ESR2: variants seen among roughly 807,000 people sequenced by gnomAD.
ESR2 encodes the protein estrogen receptor 2, also known as estrogen receptor beta.
In ESR2, 36 loss-of-function variants were observed where a neutral mutation model predicts 49.6. That is an observed-to-expected ratio of 0.73 (90% CI 0.56 to 0.96). ESR2 has a LOEUF of 0.96. ESR2 is among the 40% of genes least tolerant of loss of function. ESR2 has a pLI of 0.00. For missense variants in ESR2, 714 were observed against 693.0 expected, an observed-to-expected ratio of 1.03 and a Z score of -0.34; for synonymous variants, 320 against 266.1, an observed-to-expected ratio of 1.20 and a Z score of -1.97.
intron 5 of ESR2, 186 bp from the exon 6 acceptor site, chr14:64,257,550 T>C (rs1596401132): frequency 1.4e-6 from 1 of 701,416 alleles, no homozygotes; most frequent in Non-Finnish European, 2.3e-6. Flanking sequence ...CGCAACTTAG[T>C]TTCCAGTCTT....
intron 7 of ESR2, among the ~76,000 whole-genome samples, chr14:64,240,785 A>G (rs1370070398): frequency 2.0e-5 from 3 of 152,194 alleles, no homozygotes; most frequent in Non-Finnish European, 2.9e-5. Context: ...GTATTATAAA[A>G]TAGGCTTTAT....
intron 1 of ESR2, chr14:64,336,245 A>G (rs2077530883): frequency 6.6e-6 from 1 of 152,208 alleles, no homozygotes; most frequent in South Asian, 2.1e-4. Flanking sequence ...ATAAACTTCC[A>G]CAGGTGAAAT....
intron 1 of ESR2, among the ~76,000 whole-genome samples, chr14:64,302,686 T>C (rs1026602638): frequency 6.6e-5 from 10 of 152,216 alleles, no homozygotes; most frequent in Admixed American, 3.3e-4. Flanking sequence ...ATCTACATAA[T>C]GAGCAGATTT....
At chr14:64,287,888 T>C (rs1424922351) in intron 1 of ESR2, among the ~76,000 whole-genome samples, 2 of 152,214 alleles carry the variant, frequency 1.3e-5, no homozygotes, top group East Asian at 3.8e-4. Context: ...CTCAGTACAA[T>C]GTTCTGGTAC....
intron 1 of ESR2, among the ~76,000 whole-genome samples, chr14:64,307,434 C>T (rs910557180): frequency 9.9e-5 from 15 of 151,852 alleles, no homozygotes; most frequent in African/African-American, 3.1e-4. Flanking sequence ...AGGGTGGTCT[C>T]GAACTCCTGA....
intron 1 of ESR2, among the ~76,000 whole-genome samples, chr14:64,313,214 T>C (rs2077204961): frequency 6.6e-6 from 1 of 151,750 alleles, no homozygotes; most frequent in East Asian, 1.9e-4. Context: ...AGTTATAAGA[T>C]ATGTGAAGCA....
chr14:64,322,482 C>A (rs1243262955), intron 1 of ESR2, among the ~76,000 whole-genome samples: 1 of 141,576 alleles, frequency 7.1e-6, no homozygotes, highest in Non-Finnish European at 1.5e-5. Context: ...TGAGACCAGT[C>A]TGGGTAACAT....
intron 5 of ESR2, chr14:64,260,129 G>A (rs61984408): frequency 0.012 from 6,899 of 561,812 alleles, 64 homozygotes; most frequent in Non-Finnish European, 0.015. Context: ...AAGGTGGTAT[G>A]GGATGCATCT....
intron 1 of ESR2, among the ~76,000 whole-genome samples, chr14:64,317,457 T>C (rs1361131013): frequency 1.3e-5 from 2 of 151,968 alleles, no homozygotes; most frequent in Non-Finnish European, 2.9e-5. Flanking sequence ...GCATATCACA[T>C]AACTAGAGCA....
At chr14:64,270,878 C>T (rs1167482570) in intron 3 of ESR2, among the ~76,000 whole-genome samples, 14 of 152,214 alleles carry the variant, frequency 9.2e-5, no homozygotes, top group Admixed American at 9.2e-4. Context: ...CTTAGATCTA[C>T]ATGAATCTCT....
At position 64,324,010 on chromosome 14, in the gene ESR2, A is replaced by T. The variant is rs148560564; in HGVS notation, c.-91+13888T>A. 4.1e-3 allele frequency among the ~76,000 whole-genome samples: 628 copies of T among 152,276 alleles called. 2 individuals are homozygous for T. The highest frequency in any genetic ancestry group is 0.014 in the African/African-American group (597 of 41,564). On this transcript the variant is annotated intron_variant, in intron 1 of 8. Transcript: ENST00000358599. The stretch of plus-strand genomic sequence containing the variant: ...CCCAGCCAGTCCTATATGTTTGTAA[A>T]ATCTGTGGTTGTTCAATAAGTATTG...
chr14:64,315,150 A>G (rs1420319815), intron 1 of ESR2, among the ~76,000 whole-genome samples: 1 of 149,596 alleles, frequency 6.7e-6, no homozygotes, highest in East Asian at 2.0e-4. Flanking sequence ...AGGCTGAGGC[A>G]GGAAAATCAC....
intron 1 of ESR2, among the ~76,000 whole-genome samples, chr14:64,310,317 A>T (rs867445010): frequency 0.015 from 2,223 of 148,902 alleles, 61 homozygotes; most frequent in East Asian, 0.086. Flanking sequence ...TAATAATAAT[A>T]ATTCTGGGTG....
intron 5 of ESR2, among the ~76,000 whole-genome samples, chr14:64,259,054 A>G (rs1032268534): frequency 2.0e-5 from 3 of 152,208 alleles, no homozygotes; most frequent in Admixed American, 1.3e-4. Context: ...AATTAATTTC[A>G]CCACTGCTCT....
At chr14:64,296,356 C>T (rs1257783562), upstream of ESR2, among the ~76,000 whole-genome samples, 1 of 152,188 alleles carries the variant, frequency 6.6e-6, no homozygotes, top group African/African-American at 2.4e-5. Flanking sequence ...GAAAGGAACC[C>T]AGTAACAACA....
intron 1 of ESR2, among the ~76,000 whole-genome samples, chr14:64,308,615 A>G (rs1374741913): frequency 1.3e-5 from 2 of 152,112 alleles, no homozygotes; most frequent in Non-Finnish European, 2.9e-5. Context: ...TAAATGTTCT[A>G]CAGGTACTTT....
At chr14:64,254,745 G>A (rs2076063363) in intron 6 of ESR2, among the ~76,000 whole-genome samples, 2 of 150,418 alleles carry the variant, frequency 1.3e-5, no homozygotes, top group African/African-American at 2.5e-5. Flanking sequence ...GTGACAGAGC[G>A]AGACTCCATC....
At chr14:64,253,941 C>CT (rs542251661) in intron 6 of ESR2, among the ~76,000 whole-genome samples, 21 of 151,944 alleles carry the variant, frequency 1.4e-4, no homozygotes, top group Admixed American at 5.3e-4. Context: ...GCATATGTGA[C>CT]TTTTTTTTGA....
At chr14:64,281,456 AAAAC>A (rs1567774022) in intron 2 of ESR2, among the ~76,000 whole-genome samples, 1 of 152,214 alleles carries the variant, frequency 6.6e-6, no homozygotes, top group Non-Finnish European at 1.5e-5. Context: ...GGAGAAAAAA[AAAAC>A]AAACCATTAC....
Sources: allele counts gnomAD v4.1 joint callset (sites outside exome capture counted in the v4.1 genomes callset), GRCh38; gene constraint gnomAD v4.1.1; transcripts MANE v1.5; gene names NCBI Gene and HGNC (gene_info 2026-07-23, HGNC 2026-07-21).